Variants in APBA2 observed in about 807,000 individuals in gnomAD.
APBA2 encodes amyloid-beta A4 precursor protein-binding family A member 2.
A neutral mutation model predicts 75.0 loss-of-function variants in APBA2; 30 were observed. That is an observed-to-expected ratio of 0.40 (90% CI 0.30 to 0.54). The LOEUF is 0.54. APBA2 is among the 20% of genes least tolerant of loss of function. APBA2 has a pLI of 0.49. For synonymous variants in APBA2, 444 were observed against 409.6 expected (o/e 1.08, Z -1.01); for missense variants, 801 against 1,016.1 (o/e 0.79, Z 2.88).
chr15:28,896,874 T>C (rs1238240183), intron 1 of APBA2, among the ~76,000 whole-genome samples: 2 of 152,230 alleles, frequency 1.3e-5, no homozygotes, highest in African/African-American at 2.4e-5. Flanking sequence ...AATTTGGGAC[T>C]GATTTTTGTC....
chr15:29,094,816 T>C (rs1196058154), intron 8 of APBA2, among the ~76,000 whole-genome samples: 1 of 152,192 alleles, frequency 6.6e-6, no homozygotes, highest in Non-Finnish European at 1.5e-5. Context: ...TCCCAGCACT[T>C]TGGGAGACAG....
intron 3 of APBA2, among the ~76,000 whole-genome samples, chr15:29,050,325 A>G (rs963525550): frequency 6.6e-6 from 1 of 152,250 alleles, no homozygotes. Flanking sequence ...TAGATACAAA[A>G]GAGTTACCTC....
In APBA2 at chr15:29,113,888, A is replaced by G. The variant is rs1268132293; in HGVS notation, c.2050A>G (p.Met684Val). ...SVQNGIICSL[M>V]RGGIAERGGV... The stretch of plus-strand genomic sequence containing the variant: ...CATGTCTGCTTAGATCTGCAGCCTC[A>G]TGAGAGGGGGCATTGCTGAGCGAGG... Residue 684 changes from methionine to valine, a missense_variant, in exon 14 of 15, where the codon ATG (methionine) becomes GTG (valine). Physicochemically the swap from Met to Val is conservative, Grantham distance 21. This residue lies in a region of APBA2 where 367 missense variants were observed against 544.5 expected (regional missense o/e 0.67). Coordinates refer to ENST00000683413, the MANE Select transcript of APBA2 (RefSeq NM_001353788.2). 1.2e-6 allele frequency: 2 copies of G among 1,611,740 alleles called. No individual in the cohort carries two copies. Among genetic ancestry groups the G allele is most frequent in the Non-Finnish European group, 8.5e-7 (1 of 1,179,924 alleles).
chr15:29,087,006 C>T (rs2043318883), intron 6 of APBA2, among the ~76,000 whole-genome samples: 1 of 152,144 alleles, frequency 6.6e-6, no homozygotes, highest in African/African-American at 2.4e-5. Context: ...CTTCCCCTTT[C>T]TTAGGTAAAT....
At chr15:29,106,922 A>G (rs1230874940) in intron 12 of APBA2, 103 bp downstream of exon 12, 5 of 1,141,232 alleles carry the variant, frequency 4.4e-6, no homozygotes, top group Admixed American at 2.0e-5. Context: ...CACTTCACCC[A>G]TGGGGAAACT....
At chr15:29,108,417 C>T in intron 13 of APBA2, 28 bp downstream of exon 13, 1 of 1,613,758 alleles carries the variant, frequency 6.2e-7, no homozygotes, top group South Asian at 1.1e-5. Context: ...CTCTGGGCCA[C>T]CACCACCACT....
At chr15:29,038,160 T>A (rs2040840742) in intron 3 of APBA2, among the ~76,000 whole-genome samples, 1 of 152,124 alleles carries the variant, frequency 6.6e-6, no homozygotes, top group South Asian at 2.1e-4. Context: ...AGCTCTGTGC[T>A]TTGACAACAA....
At chr15:29,006,325 TAAG>T (rs1418720138) in intron 3 of APBA2, among the ~76,000 whole-genome samples, 3 of 152,114 alleles carry the variant, frequency 2.0e-5, no homozygotes, top group African/African-American at 7.2e-5. Context: ...GAAGGGGAGT[TAAG>T]AAAAAAATTC....
At chr15:29,032,985 G>A (rs2040559726) in intron 3 of APBA2, among the ~76,000 whole-genome samples, 1 of 152,222 alleles carries the variant, frequency 6.6e-6, no homozygotes, top group Non-Finnish European at 1.5e-5. Context: ...AGATGGCTCT[G>A]TGGTGAGATC....
intron 9 of APBA2, among the ~76,000 whole-genome samples, chr15:29,101,217 CTTTT>C (rs11333657): frequency 1.2e-3 from 174 of 142,610 alleles, no homozygotes; most frequent in African/African-American, 4.3e-3. Context: ...ATTGGAGTGC[CTTTT>C]TTTTTTTTTT....
chr15:28,969,668 CG>C (rs765441761), intron 2 of APBA2, among the ~76,000 whole-genome samples: 8 of 152,110 alleles, frequency 5.3e-5, no homozygotes, highest in Non-Finnish European at 1.0e-4. Context: ...GCAAGGTGTC[CG>C]GAGTTGGAGG....
At chr15:29,034,117 C>T (rs940214993) in intron 3 of APBA2, among the ~76,000 whole-genome samples, 2 of 152,062 alleles carry the variant, frequency 1.3e-5, no homozygotes, top group African/African-American at 4.8e-5. Context: ...AAAAAGGAAC[C>T]TCACCTGAGC....
intron 14 of APBA2, among the ~76,000 whole-genome samples, chr15:29,115,354 G>C (rs577933552): frequency 6.6e-6 from 1 of 152,158 alleles, no homozygotes; most frequent in Non-Finnish European, 1.5e-5. Flanking sequence ...GGTCGGCTGG[G>C]AGCTGGGAGG....
chr15:29,041,701 A>G (rs1178008727), intron 3 of APBA2, among the ~76,000 whole-genome samples: 3 of 152,132 alleles, frequency 2.0e-5, no homozygotes, highest in Non-Finnish European at 4.4e-5. Flanking sequence ...AAATCGACCT[A>G]TAGATTCATT....
At chr15:29,018,640 T>C (rs2039798199) in intron 3 of APBA2, among the ~76,000 whole-genome samples, 1 of 152,180 alleles carries the variant, frequency 6.6e-6, no homozygotes, top group African/African-American at 2.4e-5. Flanking sequence ...GAGCTGGAGC[T>C]GCCAGGGAAG....
intron 1 of APBA2, among the ~76,000 whole-genome samples, chr15:28,891,025 T>C (rs1032040651): frequency 3.3e-5 from 5 of 152,150 alleles, no homozygotes; most frequent in East Asian, 1.9e-4. Flanking sequence ...AAAAAAAATA[T>C]GTGGTTGAAC....
At chr15:28,934,560 A>G (rs1029329064) in intron 2 of APBA2, among the ~76,000 whole-genome samples, 11 of 152,234 alleles carry the variant, frequency 7.2e-5, no homozygotes, top group South Asian at 2.1e-4. Flanking sequence ...GGAAGGCGGG[A>G]AACCAGGGGC....
chr15:28,979,925 C>T (rs981939795), intron 2 of APBA2, among the ~76,000 whole-genome samples: 2 of 152,182 alleles, frequency 1.3e-5, no homozygotes, highest in Non-Finnish European at 2.9e-5. Context: ...CAACCATCCT[C>T]GGCTGATTGG....
chr15:29,018,517 C>G (rs1565405), intron 3 of APBA2, among the ~76,000 whole-genome samples: 55,224 of 152,136 alleles, frequency 0.36, 16,288 homozygotes, highest in African/African-American at 0.79. Context: ...TTCTGCCAGA[C>G]AAGTCATCAG....
Sources: gnomAD v4.1 joint callset for allele counts (sites outside exome capture counted in the v4.1 genomes callset) on GRCh38, gnomAD v4.1.1 for gene constraint, gnomAD v4.1.1 regional missense constraint, MANE v1.5 for transcripts, NCBI Gene and HGNC (gene_info 2026-07-23, HGNC 2026-07-21) for gene names.